The following ANO2 variants were observed in gnomAD, a reference collection of about 807,000 sequenced individuals.
ANO2 encodes the protein anoctamin-2.
A neutral mutation model predicts 124.2 loss-of-function variants in ANO2; 101 were observed. The observed-to-expected ratio is 0.81, with a 90% CI of 0.69 to 0.96. ANO2 has a LOEUF of 0.96. ANO2 is among the 40% of genes least tolerant of loss of function. The pLI is 0.00. For synonymous variants in ANO2, 486 were observed against 482.5 expected (o/e 1.01, Z -0.09); for missense variants, 1,293 against 1,274.5 (o/e 1.01, Z -0.22).
rs754165834 is a variant in ANO2 at position 5,799,577 on chromosome 12, C to A, written c.991-6G>T. On this transcript the variant is annotated splice_polypyrimidine_tract_variant and splice_region_variant and intron_variant, in intron 9 of 24. Transcript: ENST00000682330. ...GCCCATTCTTGATATAGCAGCTAAA[C>A]AAAGAAAATAAGGAAACAGGTTAGA... 1 of 1,613,474 alleles carries A rather than the reference C, an allele frequency of 6.2e-7. No individual in the cohort carries two copies.
Position 5,577,963 on chromosome 12 carries a change from T to C in ANO2, c.2431A>G (p.Ile811Val). ...ILSGIGKFSV[I>V]SNAFVIAITS... is the part of the protein sequence containing the mutation. ...TGAATGCAAGTACTTACGTTGCTGA[T>C]AACAGAGAACTTGCCAATTCCAGAG... The change falls in exon 22 of 25, where the codon ATC (isoleucine) becomes GTC (valine). Residue 811 changes from isoleucine (I) to valine (V), a missense_variant. By Grantham distance (29) the Ile-to-Val change is conservative (BLOSUM62 3). Transcript: ENST00000682330. 1.9e-6 allele frequency: 3 copies of C among 1,613,728 alleles called. No individual in the cohort carries two copies. Among genetic ancestry groups the C allele is most frequent in the Non-Finnish European group, 2.5e-6 (3 of 1,179,700 alleles).
chr12:5,810,255 T>C (rs1367725203), intron 7 of ANO2, among the ~76,000 whole-genome samples: 2 of 152,074 alleles, frequency 1.3e-5, no homozygotes, highest in Non-Finnish European at 2.9e-5. Context: ...AAAGTAAGCA[T>C]CCATCCACAA....
intron 3 of ANO2, among the ~76,000 whole-genome samples, chr12:5,910,051 T>C (rs1327690758): frequency 6.6e-6 from 1 of 152,258 alleles, no homozygotes; most frequent in African/African-American, 2.4e-5. Flanking sequence ...CTTCCTTCTC[T>C]ATTAACACAT....
intron 1 of ANO2, 43 bp downstream of exon 1, chr12:5,945,153 C>T: frequency 7.8e-7 from 1 of 1,284,982 alleles, no homozygotes; most frequent in Non-Finnish European, 1.0e-6. Flanking sequence ...CTCCCTCCTA[C>T]CACCTGTAGG....
intron 14 of ANO2, among the ~76,000 whole-genome samples, chr12:5,650,946 TGAG>T (rs1198745949): frequency 6.6e-6 from 1 of 152,218 alleles, no homozygotes; most frequent in African/African-American, 2.4e-5. Flanking sequence ...CACAGAGGTA[TGAG>T]AACTCTTAGC....
intron 3 of ANO2, among the ~76,000 whole-genome samples, chr12:5,895,345 T>C (rs139278708): frequency 9.9e-4 from 151 of 152,272 alleles, no homozygotes; most frequent in African/African-American, 3.6e-3. Flanking sequence ...GATTTTATAT[T>C]CTGAGATTTT....
intron 3 of ANO2, chr12:5,858,677 G>A (rs1167058821): frequency 2.0e-5 from 3 of 152,216 alleles, no homozygotes; most frequent in Non-Finnish European, 2.9e-5. Context: ...AGATGAAGTA[G>A]GTGAAGTCCC....
At chr12:5,907,063 C>T (rs1220242302) in intron 3 of ANO2, among the ~76,000 whole-genome samples, 1 of 152,164 alleles carries the variant, frequency 6.6e-6, no homozygotes, top group Non-Finnish European at 1.5e-5. Context: ...CCGTTTGTTT[C>T]CAATATGTCT....
chr12:5,820,660 G>A (rs1953765321), intron 7 of ANO2, among the ~76,000 whole-genome samples: 1 of 152,176 alleles, frequency 6.6e-6, no homozygotes, highest in Non-Finnish European at 1.5e-5. Flanking sequence ...TCGCATCCCT[G>A]GAGGGTGTGC....
intron 14 of ANO2, among the ~76,000 whole-genome samples, chr12:5,699,733 G>A (rs1190347611): frequency 1.3e-5 from 2 of 152,082 alleles, no homozygotes. Flanking sequence ...CAAAATAAAG[G>A]GATGGAGGAA....
chr12:5,668,261 A>T (rs1279814902), intron 14 of ANO2, among the ~76,000 whole-genome samples: 1 of 152,204 alleles, frequency 6.6e-6, no homozygotes, highest in Non-Finnish European at 1.5e-5. Flanking sequence ...GGTGTAAGAT[A>T]GCATCTCATT....
At chr12:5,885,378 A>G (rs1938814527) in intron 3 of ANO2, among the ~76,000 whole-genome samples, 1 of 152,258 alleles carries the variant, frequency 6.6e-6, no homozygotes, top group African/African-American at 2.4e-5. Flanking sequence ...GTTCATGCTT[A>G]CTGTCCAGTG....
intron 7 of ANO2, 55 bp from the exon 8 acceptor site, chr12:5,807,423 T>C: frequency 6.8e-7 from 1 of 1,466,838 alleles, no homozygotes; most frequent in African/African-American, 1.4e-5. Flanking sequence ...TTTCTCAACT[T>C]AACCCCTGTT....
intron 10 of ANO2, among the ~76,000 whole-genome samples, chr12:5,766,706 G>T (rs1951899955): frequency 6.6e-6 from 1 of 152,160 alleles, no homozygotes; most frequent in South Asian, 2.1e-4. Flanking sequence ...TTTTAAAAGA[G>T]GCAGCATAGT....
chr12:5,895,661 A>C (rs987632947), intron 3 of ANO2, among the ~76,000 whole-genome samples: 1 of 152,140 alleles, frequency 6.6e-6, no homozygotes, highest in Non-Finnish European at 1.5e-5. Flanking sequence ...TGTGGTGAAA[A>C]GGAACACTTT....
In ANO2 at chr12:5,705,503, C is replaced by T. The variant is rs930658419; in HGVS notation, c.1545+27017G>A. Reference sequence around the variant, plus strand: ...ACACACAGGGAAGGCCAGGCTGCACCCTCTGCCAGATGTACTCATCCATAG... The same window carrying T: ...ACACACAGGGAAGGCCAGGCTGCACTCTCTGCCAGATGTACTCATCCATAG... On this transcript the variant is annotated intron_variant, in intron 14 of 24. Coordinates refer to ENST00000682330, the MANE Select transcript of ANO2 (RefSeq NM_001364791.2). 2.6e-5 allele frequency among the ~76,000 whole-genome samples: 4 copies of T among 152,284 alleles called. No individual in the cohort carries two copies. In the East Asian group the frequency reaches 5.8e-4, roughly 22 times the overall value.
intron 14 of ANO2, among the ~76,000 whole-genome samples, chr12:5,688,342 G>A (rs370442928): frequency 3.5e-4 from 54 of 152,248 alleles, no homozygotes; most frequent in African/African-American, 1.3e-3. Flanking sequence ...ACAAGAGGCC[G>A]AAGCAAGGAC....
At chr12:5,744,130 T>C (rs1371083602) in intron 12 of ANO2, 27 bp downstream of exon 12, 1 of 1,612,606 alleles carries the variant, frequency 6.2e-7, no homozygotes, top group African/African-American at 1.3e-5. Flanking sequence ...ACCACCCATA[T>C]AAGCAAGCCT....
intron 4 of ANO2, among the ~76,000 whole-genome samples, chr12:5,833,452 C>T (rs569424073): frequency 1.3e-5 from 2 of 152,266 alleles, no homozygotes; most frequent in East Asian, 1.9e-4. Flanking sequence ...TCTGTTCCCA[C>T]CCCCCTTGAA....
Sources: allele counts gnomAD v4.1 joint callset (sites outside exome capture counted in the v4.1 genomes callset), GRCh38; gene constraint gnomAD v4.1.1; transcripts MANE v1.5; gene names NCBI Gene and HGNC (gene_info 2026-07-23, HGNC 2026-07-21).